Variants in EPHA4 observed in about 807,000 individuals in gnomAD.
EPHA4 encodes EPH receptor A4, also known as ephrin type-A receptor 4.
In EPHA4, 19 loss-of-function variants were observed where a neutral mutation model predicts 108.3. That is an observed-to-expected ratio of 0.18 (90% CI 0.12 to 0.26). The LOEUF (loss-of-function observed/expected upper bound fraction) is 0.26. EPHA4 is among the 10% of genes least tolerant of loss of function. EPHA4 has a pLI of 1.00. For missense variants in EPHA4, 917 were observed against 1,254.0 expected, an observed-to-expected ratio of 0.73 and a Z score of 4.06; for synonymous variants, 449 against 455.5, an observed-to-expected ratio of 0.99 and a Z score of 0.18.
chr2:221,479,323 G>A (rs758127873), intron 5 of EPHA4, among the ~76,000 whole-genome samples: 29 of 152,184 alleles, frequency 1.9e-4, no homozygotes, highest in Non-Finnish European at 4.0e-4. Context: ...CTCAAAGGTG[G>A]TGAACATAGG....
At chr2:221,541,947 A>T (rs971333120) in intron 3 of EPHA4, among the ~76,000 whole-genome samples, 3 of 152,226 alleles carry the variant, frequency 2.0e-5, no homozygotes, top group Admixed American at 2.0e-4. Context: ...TTCATAAATA[A>T]AATAAATAGA....
At chr2:221,434,057 A>G (rs185725324) in intron 14 of EPHA4, 85 bp downstream of exon 14, 2 of 1,419,626 alleles carry the variant, frequency 1.4e-6, no homozygotes, top group African/African-American at 2.9e-5. Flanking sequence ...ATCATTTCAA[A>G]CCCCGTGCCC....
chr2:221,516,173 TGAG>T (rs930118224), intron 3 of EPHA4, among the ~76,000 whole-genome samples: 1 of 152,150 alleles, frequency 6.6e-6, no homozygotes, highest in Non-Finnish European at 1.5e-5. Flanking sequence ...ATACAATGAC[TGAG>T]AAGAGGCCAG....
At chr2:221,518,647 G>A (rs568204207) in intron 3 of EPHA4, among the ~76,000 whole-genome samples, 3 of 152,302 alleles carry the variant, frequency 2.0e-5, no homozygotes, top group East Asian at 1.9e-4. Flanking sequence ...CAAGCTGTAC[G>A]AAGATCATTT....
chr2:221,566,798 AGAG>A (rs770475594), intron 2 of EPHA4, among the ~76,000 whole-genome samples: 29 of 147,640 alleles, frequency 2.0e-4, no homozygotes, highest in Admixed American at 3.4e-4. Flanking sequence ...GAGAAGAAGA[AGAG>A]GGAGAAGAAG....
intron 4 of EPHA4, 78 bp downstream of exon 4, chr2:221,500,939 G>A: frequency 7.1e-7 from 1 of 1,410,384 alleles, no homozygotes; most frequent in South Asian, 1.5e-5. Context: ...TATCCCAGGA[G>A]AAGACCTGGC....
At chr2:221,570,454 G>A (rs1428630145) in intron 1 of EPHA4, among the ~76,000 whole-genome samples, 7 of 152,176 alleles carry the variant, frequency 4.6e-5, no homozygotes, top group African/African-American at 1.7e-4. Context: ...ATTCCTCTCA[G>A]GGGAATGAAT....
intron 3 of EPHA4, among the ~76,000 whole-genome samples, chr2:221,523,703 C>T (rs1342550701): frequency 1.3e-5 from 2 of 151,192 alleles, no homozygotes; most frequent in Non-Finnish European, 2.9e-5. Flanking sequence ...CAGAAATTCT[C>T]CTGCTTCAGC....
chr2:221,564,477 A>T, intron 2 of EPHA4, 83 bp from the exon 3 acceptor site: 6 of 1,376,220 alleles, frequency 4.4e-6, no homozygotes, highest in Non-Finnish European at 6.0e-6. Flanking sequence ...CTCATAGGAC[A>T]CCTGATTATT....
rs572846291 is a variant in EPHA4, at chr2:221,559,052, A to G, written c.823+4679T>C. Among the ~76,000 whole-genome samples the G allele has an allele frequency of 1.1e-4, 16 of 152,280 alleles. No homozygotes were observed. In the East Asian group the frequency reaches 2.9e-3, roughly 28 times the overall value. ...GAAAAAAGAAATCATTTTTTTTGAC[A>G]TAGCTCTCTTCCTCTTTTCAGAGCA... is the stretch of plus-strand genomic sequence containing the variant. On this transcript the variant is annotated intron_variant, in intron 3 of 17. Transcript: ENST00000281821.
At position 221,572,210 on chromosome 2, in the gene EPHA4, G is replaced by A. The variant is rs374850346; in HGVS notation, c.39C>T (p.Leu13=). 9 of 1,614,200 alleles carry A rather than the reference G, an allele frequency of 5.6e-6. No individual in the cohort carries two copies. The highest frequency in any genetic ancestry group is 4.2e-6 in the Non-Finnish European group (5 of 1,179,998). The change falls in exon 1 of 18, where the codon CTC becomes CTT. Residue 13 remains leucine (L), a synonymous_variant. Coordinates refer to ENST00000281821, the MANE Select transcript of EPHA4 (RefSeq NM_004438.5). ...GIFYFALFSC[L]FGICDAVTGS... ...CTGTGACAGCGTCGCAAATCCCGAA[G>A]AGACACGAAAATAGGGCGAAATAGA...
At chr2:221,523,049 C>T (rs764637648) in intron 3 of EPHA4, among the ~76,000 whole-genome samples, 1 of 152,114 alleles carries the variant, frequency 6.6e-6, no homozygotes, top group Non-Finnish European at 1.5e-5. Flanking sequence ...AGGTGTGAGC[C>T]ACCACGCCCA....
Position 221,430,056 on chromosome 2 carries a change from C to T in EPHA4, c.2592G>A (p.Glu864=), listed in dbSNP as rs768512485. ...HQLMLDCWQK[E]RSDRPKFGQI... is the part of the protein sequence containing the mutation. ...GCCCAAATTTAGGCCTGTCGCTCCT[C>T]TCCTTCTGCCAGCAGTCTAGCATCA... The change falls in exon 15 of 18, where the codon GAG becomes GAA. Residue 864 remains glutamate, a synonymous_variant. Transcript: ENST00000281821. The T allele has an allele frequency of 2.5e-6, 4 of 1,614,110 alleles. No homozygotes were observed. The highest frequency in any genetic ancestry group is 3.4e-6 in the Non-Finnish European group (4 of 1,180,038).
intron 13 of EPHA4, 49 bp downstream of exon 13, chr2:221,436,350 G>GT: frequency 6.4e-7 from 1 of 1,568,012 alleles, no homozygotes; most frequent in East Asian, 2.3e-5. Flanking sequence ...TGAGAAGAGA[G>GT]GAACAGTTTC....
At chr2:221,431,982 AT>A (rs746919845) in intron 14 of EPHA4, among the ~76,000 whole-genome samples, 9 of 152,156 alleles carry the variant, frequency 5.9e-5, no homozygotes, top group Non-Finnish European at 1.3e-4. Flanking sequence ...TTTCCTATTG[AT>A]TCCTGTTCTA....
At chr2:221,462,515 T>G (rs1691179559) in intron 5 of EPHA4, among the ~76,000 whole-genome samples, 1 of 152,128 alleles carries the variant, frequency 6.6e-6, no homozygotes, top group South Asian at 2.1e-4. Flanking sequence ...GAATAAAAGT[T>G]TTTACATATT....
At chr2:221,454,366 A>C (rs1690875859) in intron 8 of EPHA4, among the ~76,000 whole-genome samples, 1 of 152,160 alleles carries the variant, frequency 6.6e-6, no homozygotes, top group South Asian at 2.1e-4. Flanking sequence ...CAGTAGGCAG[A>C]GAGGGACAAT....
At chr2:221,510,517 A>G (rs948040617) in intron 3 of EPHA4, among the ~76,000 whole-genome samples, 2 of 152,216 alleles carry the variant, frequency 1.3e-5, no homozygotes, top group African/African-American at 4.8e-5. Context: ...CAGACAACGA[A>G]AAAAAGTGAC....
At chr2:221,525,957 A>C (rs1693311155) in intron 3 of EPHA4, among the ~76,000 whole-genome samples, 1 of 152,224 alleles carries the variant, frequency 6.6e-6, no homozygotes, top group Non-Finnish European at 1.5e-5. Context: ...ATTGAGGTTT[A>C]GCAAAGGTCC....
Sources: allele counts gnomAD v4.1 joint callset (sites outside exome capture counted in the v4.1 genomes callset), GRCh38; gene constraint gnomAD v4.1.1; transcripts MANE v1.5; gene names NCBI Gene and HGNC (gene_info 2026-07-23, HGNC 2026-07-21).